Variants in TAGLN observed in about 807,000 individuals in gnomAD.
TAGLN encodes the protein 22 kDa actin-binding protein.
A neutral mutation model predicts 21.9 loss-of-function variants in TAGLN; 16 were observed. The observed-to-expected ratio is 0.73, with a 90% CI of 0.49 to 1.11. The LOEUF (loss-of-function observed/expected upper bound fraction) is 1.11, where lower values mean the gene tolerates loss of function less well. Among genes scored for constraint, TAGLN ranks in the 50% least tolerant of loss-of-function variants. TAGLN has a pLI of 0.00. For synonymous variants in TAGLN, 96 were observed against 94.9 expected, an observed-to-expected ratio of 1.01 and a Z score of -0.06; for missense variants, 248 against 263.2, an observed-to-expected ratio of 0.94 and a Z score of 0.40.
At chr11:117,201,727 C>T (rs1411960953) in intron 1 of TAGLN, 1 of 152,380 alleles carries the variant, frequency 6.6e-6, no homozygotes, top group African/African-American at 2.4e-5. Context: ...GCTCTGCTTC[C>T]CGCGGGTGGG....
Position 117,204,406 on chromosome 11 carries a change from C to A in TAGLN, c.*47C>A, listed in dbSNP as rs1381203808. The A allele has an allele frequency of 6.2e-7, 1 of 1,613,548 alleles. No homozygotes were observed. The highest frequency in any genetic ancestry group is 1.7e-5 in the Admixed American group (1 of 59,982). On this transcript the variant is annotated 3_prime_UTR_variant, in exon 5 of 5. Transcript: ENST00000392951. ...GCCCGGCCCTCCCCCAGCTCCTTGG[C>A]TGCAGCCATCCCGCTTAGCCTGCCT...
chr11:117,203,160 C>A lies in TAGLN; in HGVS notation c.147C>A (p.Arg49=). The A allele has an allele frequency of 6.3e-7, 1 of 1,593,904 alleles. No individual in the cohort carries two copies. Among genetic ancestry groups the A allele is most frequent in the Non-Finnish European group, 8.6e-7 (1 of 1,167,760 alleles). ...ATGTGGGCCGCCCAGACCGTGGGCGCTTGGGCTTCCAGGTCTGGCTGAAGA... is the reference window on the plus strand; with the variant it reads ...ATGTGGGCCGCCCAGACCGTGGGCGATTGGGCTTCCAGGTCTGGCTGAAGA... The part of the protein sequence containing the change: ...GPDVGRPDRG[R]LGFQVWLKNG... The change falls in exon 2 of 5, where the codon CGC becomes CGA. Residue 49 remains arginine (R), a synonymous_variant. Transcript: ENST00000392951. The surrounding 1 kb of genome is among the most constrained non-coding windows in gnomAD (Gnocchi z 4.4).
intron 1 of TAGLN, chr11:117,202,149 T>C (rs1380783485): frequency 2.6e-5 from 4 of 152,424 alleles, no homozygotes; most frequent in African/African-American, 9.6e-5. Flanking sequence ...CCTGGGGGAC[T>C]CTGACTTCTT....
chr11:117,204,662 C>T lies in TAGLN; in HGVS notation c.*303C>T, dbSNP rs920603615. Reference sequence around the variant, plus strand: ...GGGCTGGGGGTAGCCTGGATGTGGGCCAAGTCCACTGTCCTCCTTGGCGGC... The same window carrying T: ...GGGCTGGGGGTAGCCTGGATGTGGGTCAAGTCCACTGTCCTCCTTGGCGGC... On this transcript the variant is annotated 3_prime_UTR_variant, in exon 5 of 5. Coordinates refer to ENST00000392951, the MANE Select transcript of TAGLN (RefSeq NM_003186.5). 6.2e-6 allele frequency: 3 copies of T among 483,242 alleles called. No individual in the cohort carries two copies. Among genetic ancestry groups the T allele is most frequent in the African/African-American group, 5.8e-5 (3 of 51,444 alleles). 29.9% of individuals were successfully genotyped at this position (483,242 alleles called of 1,614,324 possible). A position where few individuals can be genotyped will look rare whatever the true frequency, so the allele number is the denominator to read the frequency against.
At chr11:117,202,532 GTC>G (rs1346724044) in intron 1 of TAGLN, 1 of 152,306 alleles carries the variant, frequency 6.6e-6, no homozygotes, top group Non-Finnish European at 1.5e-5. Flanking sequence ...CTTCTGGAAG[GTC>G]TCTCCAGTGG....
chr11:117,203,945 AGCT>A lies in TAGLN; in HGVS notation c.461+62_461+64del. 1 of 1,442,370 alleles carries A rather than the reference AGCT, an allele frequency of 6.9e-7. No homozygotes were observed. Among genetic ancestry groups the A allele is most frequent in the Non-Finnish European group, 9.7e-7 (1 of 1,025,850 alleles). The allele number at this position is 1,442,370 out of a possible 1,614,324, so 89.3% of individuals were successfully genotyped here. On this transcript the variant is annotated intron_variant, in intron 4 of 4. Transcript: ENST00000392951. This position sits in a 1 kb window ranked among gnomAD's most constrained non-coding sequence, Gnocchi z 4.4. ...GGGTGGGAGGTGGCTTGTTCTAAGG[AGCT>A]TGCGGGAAGGATTAGGGGAAGCAGA...
chr11:117,203,209 G>A lies in TAGLN; in HGVS notation c.180+16G>A. The A allele has an allele frequency of 6.3e-7, 1 of 1,592,128 alleles. No individual in the cohort carries two copies. The highest frequency in any genetic ancestry group is 8.6e-7 in the Non-Finnish European group (1 of 1,166,186). On this transcript the variant is annotated intron_variant, in intron 2 of 4. Coordinates refer to ENST00000392951, the MANE Select transcript of TAGLN (RefSeq NM_003186.5). This position sits in a 1 kb window ranked among gnomAD's most constrained non-coding sequence, Gnocchi z 4.4. ...GAATGGCGTGGTGAGTGGCACCCTG[G>A]GCTAGGGCGCTGGGGGGCTGGGGTG...
At position 117,205,536 on chromosome 11, in the gene TAGLN, C is replaced by T. The variant is rs1484283748; in HGVS notation, c.*1177C>T. On this transcript the variant is annotated 3_prime_UTR_variant, in exon 5 of 5. Coordinates refer to ENST00000392951, the MANE Select transcript of TAGLN (RefSeq NM_003186.5). ...CTTGGGAATGGATAATGGAGGCAGC[C>T]GCTTTCAGGACAGGCATGTCCAGGG... 9 of 235,396 alleles carry T rather than the reference C, an allele frequency of 3.8e-5. 1 individual carries two copies. In the South Asian group the frequency reaches 9.0e-4, roughly 24 times the overall value. 14.6% of individuals were successfully genotyped at this position (235,396 alleles called of 1,614,324 possible). A position where few individuals can be genotyped will look rare whatever the true frequency, so the allele number is the denominator to read the frequency against.
intron 1 of TAGLN, chr11:117,202,744 T>TTCTG (rs1182180944): frequency 3.5e-6 from 1 of 287,168 alleles, no homozygotes. Context: ...CTAAAATATG[T>TTCTG]TCTGTCTTAT....
chr11:117,199,365 GC>G (rs2030991018), upstream of TAGLN: 2 of 152,324 alleles, frequency 1.3e-5, no homozygotes, highest in Admixed American at 1.3e-4. Flanking sequence ...CCCAGCCAGC[GC>G]CCCATCCTGT....
At position 117,204,576 on chromosome 11, in the gene TAGLN, T is replaced by C. The variant is rs1177826014; in HGVS notation, c.*217T>C. The C allele has an allele frequency of 8.5e-6, 6 of 708,394 alleles. No homozygotes were observed. The African/African-American group carries it at 1.0e-4, about 12-fold the overall frequency. The allele number at this position is 708,394 out of a possible 1,614,324, so 43.9% of individuals were successfully genotyped here. A position where few individuals can be genotyped will look rare whatever the true frequency, so the allele number is the denominator to read the frequency against. On this transcript the variant is annotated 3_prime_UTR_variant, in exon 5 of 5. Coordinates refer to ENST00000392951, the MANE Select transcript of TAGLN (RefSeq NM_003186.5). Reference sequence around the variant, plus strand: ...CCGAAAGCATCACTGCCTTGGCCCCTCCCTCCCGGCTGCCCCCATCACCTC... The same window carrying C: ...CCGAAAGCATCACTGCCTTGGCCCCCCCCTCCCGGCTGCCCCCATCACCTC...
chr11:117,201,359 G>A (rs1330418753), intron 1 of TAGLN: 2 of 152,268 alleles, frequency 1.3e-5, no homozygotes, highest in South Asian at 2.1e-4. Context: ...GAGCTGCTGC[G>A]CGCTCAGGGA....
Position 117,202,989 on chromosome 11 carries a change from T to G in TAGLN, c.-12-13T>G. 6.5e-7 allele frequency: 1 copy of G among 1,538,288 alleles called. No individual in the cohort carries two copies. The highest frequency in any genetic ancestry group is 2.3e-5 in the East Asian group (1 of 44,196). Reference sequence around the variant, plus strand: ...CCCTCTGCCCCTCCCTCCTCCACCCTGGCCTGCTTTAGCTTTCCCCAGACA... The same window carrying G: ...CCCTCTGCCCCTCCCTCCTCCACCCGGGCCTGCTTTAGCTTTCCCCAGACA... On this transcript the variant is annotated splice_polypyrimidine_tract_variant and intron_variant, in intron 1 of 4. Transcript: ENST00000392951.
chr11:117,202,275 A>G (rs567423558), intron 1 of TAGLN: 1 of 152,420 alleles, frequency 6.6e-6, no homozygotes, highest in South Asian at 2.1e-4. Context: ...TTCTTTGCCA[A>G]GAACTCTTGG....
rs1359571137 is a variant in TAGLN at position 117,204,673 on chromosome 11, G to A, written c.*314G>A. On this transcript the variant is annotated 3_prime_UTR_variant, in exon 5 of 5. Coordinates refer to ENST00000392951, the MANE Select transcript of TAGLN (RefSeq NM_003186.5). Reference sequence around the variant, plus strand: ...AGCCTGGATGTGGGCCAAGTCCACTGTCCTCCTTGGCGGCAAAAGCCCATT... The same window carrying A: ...AGCCTGGATGTGGGCCAAGTCCACTATCCTCCTTGGCGGCAAAAGCCCATT... The A allele has an allele frequency of 1.6e-5, 7 of 443,872 alleles. No homozygotes were observed. The Admixed American group carries it at 2.4e-4, about 15-fold the overall frequency. 27.5% of individuals were successfully genotyped at this position (443,872 alleles called of 1,614,324 possible).
chr11:117,204,790 T>C lies in TAGLN; in HGVS notation c.*431T>C. 3.2e-6 allele frequency: 1 copy of C among 313,662 alleles called. No homozygotes were observed. The highest frequency in any genetic ancestry group is 6.2e-6 in the Non-Finnish European group (1 of 160,006). The allele number at this position is 313,662 out of a possible 1,614,324, so 19.4% of individuals were successfully genotyped here. ...AAAAAAAAAAAAAATCAATCTTTTC[T>C]CAGGCCTGGCTGGCAGAGTTTGATT... On this transcript the variant is annotated 3_prime_UTR_variant, in exon 5 of 5. Coordinates refer to ENST00000392951, the MANE Select transcript of TAGLN (RefSeq NM_003186.5).
rs996497855 is a variant in TAGLN, at chr11:117,204,492, A to G, written c.*133A>G. ...AGCTTTGAGGCTCTGTCACTGAGCAATGGTAACTGCACCTGGGCAGCTCCT... is the reference window on the plus strand; with the variant it reads ...AGCTTTGAGGCTCTGTCACTGAGCAGTGGTAACTGCACCTGGGCAGCTCCT... On this transcript the variant is annotated 3_prime_UTR_variant, in exon 5 of 5. Transcript: ENST00000392951. The G allele has an allele frequency of 5.1e-6, 7 of 1,361,436 alleles. No individual in the cohort carries two copies. The East Asian group carries it at 1.5e-4, about 29-fold the overall frequency. 84.3% of individuals were successfully genotyped at this position (1,361,436 alleles called of 1,614,324 possible).
At chr11:117,200,573 C>T (rs975747517) in intron 1 of TAGLN, among the ~76,000 whole-genome samples, 5 of 152,284 alleles carry the variant, frequency 3.3e-5, no homozygotes, top group Admixed American at 2.6e-4. Context: ...GAGGCTTCAT[C>T]AGAGGACTCT....
chr11:117,203,836 T>G lies in TAGLN; in HGVS notation c.413T>G (p.Val138Gly). 1 of 1,614,032 alleles carries G rather than the reference T, an allele frequency of 6.2e-7. No individual in the cohort carries two copies. The change falls in exon 4 of 5, where the codon GTG becomes GGG. Residue 138 changes from valine (V) to glycine (G), a missense_variant. Val to Gly is a moderately radical substitution (Grantham distance 109, BLOSUM62 -3). Transcript: ENST00000392951. This position sits in a 1 kb window ranked among gnomAD's most constrained non-coding sequence, Gnocchi z 4.4. ...RTLMALGSLA[V>G]TKNDGHYRGD... ...CTGATGGCTTTGGGCAGCTTGGCAG[T>G]GACCAAGAATGATGGGCACTACCGT...
Sources: allele counts gnomAD v4.1 joint callset (sites outside exome capture counted in the v4.1 genomes callset), GRCh38; gene constraint gnomAD v4.1.1; non-coding constraint Gnocchi (gnomAD v3.1); transcripts MANE v1.5; gene names NCBI Gene and HGNC (gene_info 2026-07-23, HGNC 2026-07-21).